NRAP: variants seen among roughly 807,000 people sequenced by gnomAD.
NRAP encodes the protein nebulin related anchoring protein, also known as nebulin-related-anchoring protein.
In NRAP, 189 loss-of-function variants were observed where a neutral mutation model predicts 225.9. The ratio of observed to expected loss-of-function variants is 0.84; its 90% CI spans 0.74 to 0.94. The LOEUF (loss-of-function observed/expected upper bound fraction) is 0.94, where lower values mean the gene tolerates loss of function less well. Ranked by LOEUF, NRAP falls within the 40% of genes least tolerant of loss-of-function variation. The probability of loss-of-function intolerance (pLI) is 0.00; values close to 1 mark genes in which losing one functional copy is unlikely to be tolerated. For synonymous variants in NRAP, 769 were observed against 790.7 expected (o/e 0.97, Z 0.46); for missense variants, 2,176 against 2,168.7 (o/e 1.00, Z -0.07).
intron 23 of NRAP, among the ~76,000 whole-genome samples, chr10:113,622,753 C>G (rs1848072204): frequency 6.6e-6 from 1 of 152,200 alleles, no homozygotes; most frequent in Non-Finnish European, 1.5e-5. Flanking sequence ...TTATCGAACA[C>G]TTGGTATAAA....
At position 113,652,932 on chromosome 10, in the gene NRAP, C is replaced by T. The variant is rs1850072265; in HGVS notation, c.570+3G>A. ...AATGGTGAAAAAGCACCCAGGCACT[C>T]ACTTGGCTGGCCAGCTGGTTGGCTT... On this transcript the variant is annotated splice_donor_region_variant and intron_variant, in intron 6 of 41. Coordinates refer to ENST00000359988, the MANE Select transcript of NRAP (RefSeq NM_198060.4). 6.2e-7 allele frequency: 1 copy of T among 1,604,048 alleles called. No individual in the cohort carries two copies. Among genetic ancestry groups the T allele is most frequent in the Non-Finnish European group, 8.5e-7 (1 of 1,172,988 alleles).
chr10:113,589,743 C>T lies in NRAP; in HGVS notation c.5011G>A (p.Gly1671Ser), dbSNP rs1188421927. The T allele has an allele frequency of 1.2e-6, 2 of 1,614,064 alleles. No homozygotes were observed. Among genetic ancestry groups the T allele is most frequent in the African/African-American group, 1.3e-5 (1 of 74,916 alleles). ...LTRGVGWTPP[G>S]SYKVEMARRA... is the part of the protein sequence containing the mutation. ...CGAGCCATTTCCACTTTGTAGGAGCCAGGAGGGGTCCAGCCAACACCTCTG... is the reference window on the plus strand; with the variant it reads ...CGAGCCATTTCCACTTTGTAGGAGCTAGGAGGGGTCCAGCCAACACCTCTG... The change falls in exon 41 of 42, where the codon GGC (glycine) becomes AGC (serine). Residue 1671 changes from glycine (G) to serine (S), a missense_variant. Gly to Ser is a moderately conservative substitution (Grantham distance 56). Around this residue, in one of 3 missense-constraint regions of NRAP, gnomAD observed 445 missense variants for 426.1 expected, o/e 1.04. Coordinates refer to ENST00000359988, the MANE Select transcript of NRAP (RefSeq NM_198060.4).
chr10:113,634,784 G>A (rs981398607), intron 14 of NRAP, among the ~76,000 whole-genome samples: 1 of 151,974 alleles, frequency 6.6e-6, no homozygotes, highest in African/African-American at 2.4e-5. Context: ...TCCTATATAC[G>A]TCTTATACTT....
intron 3 of NRAP, among the ~76,000 whole-genome samples, chr10:113,661,652 G>A (rs1033570157): frequency 2.6e-5 from 4 of 152,134 alleles, no homozygotes; most frequent in Non-Finnish European, 4.4e-5. Context: ...GAGTTCCGTC[G>A]ATAACTGGTT....
intron 9 of NRAP, among the ~76,000 whole-genome samples, chr10:113,648,448 T>TCTCTCTCC (rs1178246889): frequency 3.4e-5 from 4 of 116,268 alleles, no homozygotes; most frequent in Non-Finnish European, 7.1e-5. Flanking sequence ...TCTCTCTCTC[T>TCTCTCTCC]CTCTCTCTCT....
At chr10:113,658,166 G>A (rs1006031736) in intron 3 of NRAP, among the ~76,000 whole-genome samples, 5 of 152,220 alleles carry the variant, frequency 3.3e-5, no homozygotes, top group Non-Finnish European at 4.4e-5. Flanking sequence ...GACCATATAC[G>A]TGCAGCCCTA....
intron 3 of NRAP, among the ~76,000 whole-genome samples, chr10:113,658,482 A>G (rs184745759): frequency 4.8e-4 from 73 of 152,340 alleles, no homozygotes; most frequent in South Asian, 3.1e-3. Flanking sequence ...ATAGACAAAG[A>G]TTTCTTAAAT....
intron 18 of NRAP, 68 bp downstream of exon 18, chr10:113,631,441 A>T: frequency 1.1e-6 from 1 of 877,334 alleles, no homozygotes; most frequent in Non-Finnish European, 1.8e-6. Context: ...CAGGTGAAGT[A>T]GGCCCAGGGA....
intron 6 of NRAP, among the ~76,000 whole-genome samples, chr10:113,652,426 G>A (rs1850033356): frequency 6.6e-6 from 1 of 151,912 alleles, no homozygotes; most frequent in South Asian, 2.1e-4. Flanking sequence ...TGGATCACAG[G>A]GTCAAGAGAT....
chr10:113,641,882 T>C (rs1043199543), intron 12 of NRAP, among the ~76,000 whole-genome samples: 3 of 152,196 alleles, frequency 2.0e-5, no homozygotes, highest in Non-Finnish European at 4.4e-5. Context: ...CTGCATGCCA[T>C]TACCTCCATT....
chr10:113,650,645 T>C, intron 7 of NRAP, 100 bp from the exon 8 acceptor site: 1 of 784,836 alleles, frequency 1.3e-6, no homozygotes, highest in Non-Finnish European at 2.2e-6. Context: ...CCATCTCCTG[T>C]CATAGCTCAT....
At chr10:113,624,783 A>C (rs751048264) in intron 22 of NRAP, 43 bp downstream of exon 22, 2 of 1,448,296 alleles carry the variant, frequency 1.4e-6, no homozygotes, top group Non-Finnish European at 1.9e-6. Flanking sequence ...GGCTATACAC[A>C]AAGGGGAGCA....
chr10:113,613,501 G>A (rs923795741), intron 29 of NRAP, among the ~76,000 whole-genome samples: 2 of 152,154 alleles, frequency 1.3e-5, no homozygotes, highest in African/African-American at 4.8e-5. Flanking sequence ...GTATATAAAA[G>A]CGTTTAGCCT....
At chr10:113,617,203 A>T (rs1847718159) in intron 26 of NRAP, among the ~76,000 whole-genome samples, 1 of 152,140 alleles carries the variant, frequency 6.6e-6, no homozygotes, top group South Asian at 2.1e-4. Context: ...GAGACATGCA[A>T]ATGGGAAGGA....
At chr10:113,590,454 G>A (rs929549846) in intron 40 of NRAP, 124 bp downstream of exon 40, 6 of 833,746 alleles carry the variant, frequency 7.2e-6, no homozygotes, top group African/African-American at 1.7e-5. Context: ...AAAGTGTTAG[G>A]TGTCTTGGAT....
chr10:113,642,920 C>T lies in NRAP; in HGVS notation c.1215+14G>A, dbSNP rs369770326. Reference sequence around the variant, plus strand: ...CAACAGTGCCCAAACAAAAGCTTAGCGTTAACAACTCACATCACTGGTAAA... The same window carrying T: ...CAACAGTGCCCAAACAAAAGCTTAGTGTTAACAACTCACATCACTGGTAAA... On this transcript the variant is annotated intron_variant, in intron 12 of 41. Coordinates refer to ENST00000359988, the MANE Select transcript of NRAP (RefSeq NM_198060.4). 75 of 1,410,814 alleles carry T rather than the reference C, an allele frequency of 5.3e-5. No individual in the cohort carries two copies. Among genetic ancestry groups the T allele is most frequent in the African/African-American group, 9.9e-5 (7 of 70,826 alleles). The allele number at this position is 1,410,814 out of a possible 1,614,324, so 87.4% of individuals were successfully genotyped here. A position where few individuals can be genotyped will look rare whatever the true frequency, so the allele number is the denominator to read the frequency against.
intron 9 of NRAP, among the ~76,000 whole-genome samples, chr10:113,647,726 G>A (rs1016851504): frequency 6.6e-6 from 1 of 152,056 alleles, no homozygotes; most frequent in Non-Finnish European, 1.5e-5. Context: ...CTTCCCCAAT[G>A]GTATGTGTCA....
intron 25 of NRAP, among the ~76,000 whole-genome samples, chr10:113,618,632 G>A (rs1051234015): frequency 3.9e-5 from 6 of 152,202 alleles, no homozygotes; most frequent in African/African-American, 9.7e-5. Flanking sequence ...CAACAGTGCC[G>A]GGCATTCTCT....
intron 31 of NRAP, among the ~76,000 whole-genome samples, chr10:113,609,651 C>T (rs1847206169): frequency 6.6e-6 from 1 of 152,174 alleles, no homozygotes; most frequent in Admixed American, 6.5e-5. Flanking sequence ...TAGATTAGTG[C>T]TAATCCTCAC....
Sources: allele counts gnomAD v4.1 joint callset (sites outside exome capture counted in the v4.1 genomes callset), GRCh38; gene constraint gnomAD v4.1.1; regional missense constraint gnomAD v4.1.1; transcripts MANE v1.5; gene names NCBI Gene and HGNC (gene_info 2026-07-23, HGNC 2026-07-21).